The following FGD6 variants were observed in gnomAD, a reference collection of about 807,000 sequenced individuals.
FGD6 encodes the protein FYVE, RhoGEF and PH domain containing 6.
FGD6 carries 90 observed loss-of-function variants against 149.4 expected under a neutral mutation model. The ratio of observed to expected loss-of-function variants is 0.60; its 90% CI spans 0.51 to 0.72. FGD6 has a LOEUF of 0.72. Among genes scored for constraint, FGD6 ranks in the 30% least tolerant of loss-of-function variants. FGD6 has a pLI of 0.00. For synonymous variants in FGD6, 527 were observed against 584.0 expected (o/e 0.90, Z 1.41); for missense variants, 1,437 against 1,684.8 (o/e 0.85, Z 2.57).
At chr12:95,168,612 G>A (rs1291878592) in intron 3 of FGD6, among the ~76,000 whole-genome samples, 3 of 150,576 alleles carry the variant, frequency 2.0e-5, no homozygotes, top group Non-Finnish European at 4.4e-5. Context: ...GCAGTGAGCC[G>A]AGATCACACC....
At chr12:95,157,506 C>T (rs549200866) in intron 3 of FGD6, among the ~76,000 whole-genome samples, 1 of 137,458 alleles carries the variant, frequency 7.3e-6, no homozygotes, top group Admixed American at 8.2e-5. Context: ...GCAGAGGTTG[C>T]AGTGAGTCAT....
intron 8 of FGD6, among the ~76,000 whole-genome samples, chr12:95,114,245 G>A (rs1010671261): frequency 6.6e-6 from 1 of 152,122 alleles, no homozygotes; most frequent in African/African-American, 2.4e-5. Context: ...ATCTGGCAAT[G>A]TCTGGAGACA....
chr12:95,085,213 CTTT>C (rs34135341), intron 19 of FGD6, among the ~76,000 whole-genome samples: 2 of 118,088 alleles, frequency 1.7e-5, no homozygotes, highest in Non-Finnish European at 1.7e-5. Context: ...ACAGCTCTGC[CTTT>C]TTTTTTTTTT....
intron 2 of FGD6, among the ~76,000 whole-genome samples, chr12:95,201,724 T>G (rs1035929959): frequency 6.6e-6 from 1 of 152,166 alleles, no homozygotes; most frequent in African/African-American, 2.4e-5. Context: ...GGTCAGAAAT[T>G]CACTTTACAA....
chr12:95,142,871 T>C (rs967194047), intron 5 of FGD6, among the ~76,000 whole-genome samples: 1 of 152,214 alleles, frequency 6.6e-6, no homozygotes, highest in Non-Finnish European at 1.5e-5. Flanking sequence ...ATTTTTCATT[T>C]ACTGTTCTCT....
chr12:95,210,424 T>A lies in FGD6; in HGVS notation c.860A>T (p.Asp287Val). 1 of 1,614,184 alleles carries A rather than the reference T, an allele frequency of 6.2e-7. No individual in the cohort carries two copies. Among genetic ancestry groups the A allele is most frequent in the Non-Finnish European group, 8.5e-7 (1 of 1,180,042 alleles). ...NGKRSTLISS[D>V]GVSKKSEVKD... is the part of the protein sequence containing the mutation. ...GACTTCTGATTTCTTACTAACTCCA[T>A]CTGAAGATATTAAAGTACTCCTTTT... Residue 287 changes from aspartate (D) to valine (V), a missense_variant, in exon 2 of 21, where the codon GAT becomes GTT. Transcript: ENST00000343958.
At chr12:95,094,543 A>C in intron 15 of FGD6, 49 bp downstream of exon 15, 1 of 1,334,376 alleles carries the variant, frequency 7.5e-7, no homozygotes, top group Non-Finnish European at 1.1e-6. Context: ...TGTTTAAGGT[A>C]AAAACTTTGA....
At chr12:95,205,019 G>A (rs1338114883) in intron 2 of FGD6, among the ~76,000 whole-genome samples, 2 of 152,196 alleles carry the variant, frequency 1.3e-5, no homozygotes, top group Admixed American at 1.3e-4. Context: ...TATAATTCCA[G>A]CACTTTGGGA....
intron 20 of FGD6, 83 bp downstream of exon 20, chr12:95,084,415 G>A (rs1877792261): frequency 1.7e-6 from 2 of 1,175,416 alleles, no homozygotes; most frequent in Admixed American, 5.8e-5. Flanking sequence ...TTGTCCCCAT[G>A]CCTTAAAGTA....
At chr12:95,098,769 G>A (rs914333705) in intron 14 of FGD6, among the ~76,000 whole-genome samples, 1 of 151,996 alleles carries the variant, frequency 6.6e-6, no homozygotes, top group Non-Finnish European at 1.5e-5. Flanking sequence ...CTTTTTCTGT[G>A]CACCATTTAA....
At chr12:95,150,033 C>CACA (rs1555220380) in intron 5 of FGD6, among the ~76,000 whole-genome samples, 1 of 119,428 alleles carries the variant, frequency 8.4e-6, no homozygotes, top group Non-Finnish European at 1.8e-5. Context: ...CACACACACA[C>CACA]TTTTTTTTTT....
chr12:95,090,280 A>C (rs189433202), intron 17 of FGD6, among the ~76,000 whole-genome samples: 49 of 152,262 alleles, frequency 3.2e-4, no homozygotes, highest in Non-Finnish European at 7.1e-4. Flanking sequence ...CTATCTGGAG[A>C]ATAATGAGGC....
At chr12:95,179,930 T>G (rs1881231984) in intron 2 of FGD6, among the ~76,000 whole-genome samples, 1 of 151,886 alleles carries the variant, frequency 6.6e-6, no homozygotes, top group Non-Finnish European at 1.5e-5. Flanking sequence ...AATACAAAAT[T>G]AGCCAGGCGT....
chr12:95,115,507 A>G (rs1284984647), intron 8 of FGD6, among the ~76,000 whole-genome samples: 1 of 151,566 alleles, frequency 6.6e-6, no homozygotes, highest in African/African-American at 2.4e-5. Context: ...AAGTGCTGGA[A>G]TTACAGGCAG....
At chr12:95,163,595 C>A (rs1463936419) in intron 3 of FGD6, among the ~76,000 whole-genome samples, 1 of 152,184 alleles carries the variant, frequency 6.6e-6, no homozygotes, top group Non-Finnish European at 1.5e-5. Flanking sequence ...AGGATGGCTG[C>A]CACCTTCTCA....
intron 2 of FGD6, among the ~76,000 whole-genome samples, chr12:95,207,657 T>G (rs989952182): frequency 3.3e-5 from 5 of 152,212 alleles, no homozygotes; most frequent in African/African-American, 1.2e-4. Flanking sequence ...ATCTACTGAT[T>G]CTACTAGGCC....
chr12:95,168,064 C>T (rs1384591224), intron 3 of FGD6, among the ~76,000 whole-genome samples: 3 of 36,944 alleles, frequency 8.1e-5, no homozygotes, highest in African/African-American at 2.8e-4. Flanking sequence ...TTGTATTACA[C>T]ACATTTTTTT....
intron 1 of FGD6, among the ~76,000 whole-genome samples, chr12:95,215,840 G>A (rs1420182673): frequency 1.3e-5 from 2 of 152,200 alleles, no homozygotes; most frequent in African/African-American, 2.4e-5. Flanking sequence ...TATAAGACAC[G>A]GTTATTTTAA....
intron 8 of FGD6, among the ~76,000 whole-genome samples, chr12:95,132,213 T>C (rs1879542510): frequency 6.6e-6 from 1 of 152,142 alleles, no homozygotes; most frequent in Non-Finnish European, 1.5e-5. Flanking sequence ...TGCAGTAGCA[T>C]GACCATGGCT....
Sources: allele counts gnomAD v4.1 joint callset (sites outside exome capture counted in the v4.1 genomes callset), GRCh38; gene constraint gnomAD v4.1.1; transcripts MANE v1.5; gene names NCBI Gene and HGNC (gene_info 2026-07-23, HGNC 2026-07-21).